The following AKAP6 variants were observed in gnomAD, a reference collection of about 807,000 sequenced individuals.
AKAP6 encodes the protein A-kinase anchoring protein 6, also known as A-kinase anchor protein 6.
AKAP6 carries 58 observed loss-of-function variants against 188.5 expected under a neutral mutation model. The ratio of observed to expected loss-of-function variants is 0.31; its 90% CI spans 0.25 to 0.38. The LOEUF is 0.38. Among genes scored for constraint, AKAP6 ranks in the 10% least tolerant of loss-of-function variants. The pLI is 1.00. For synonymous variants in AKAP6, 989 were observed against 998.6 expected (o/e 0.99, Z 0.18); for missense variants, 2,710 against 2,740.0 (o/e 0.99, Z 0.24).
intron 5 of AKAP6, among the ~76,000 whole-genome samples, chr14:32,597,926 A>G (rs1885771190): frequency 6.6e-6 from 1 of 152,142 alleles, no homozygotes; most frequent in South Asian, 2.1e-4. Flanking sequence ...TTCTCTGCTA[A>G]GAAAAGGAGA....
At chr14:32,376,788 C>G (rs1246279683) in intron 1 of AKAP6, among the ~76,000 whole-genome samples, 4 of 152,188 alleles carry the variant, frequency 2.6e-5, no homozygotes, top group Non-Finnish European at 5.9e-5. Context: ...CTTCCGCCTC[C>G]TGGATTCAAG....
intron 2 of AKAP6, among the ~76,000 whole-genome samples, chr14:32,514,091 A>C (rs1475732001): frequency 6.6e-6 from 1 of 152,166 alleles, no homozygotes; most frequent in East Asian, 1.9e-4. Context: ...TTGTTGGGTC[A>C]ATGGGAGGTA....
At position 32,600,611 on chromosome 14, in the gene AKAP6, C is replaced by A; in HGVS notation, c.2567-18C>A. The A allele has an allele frequency of 6.3e-7, 1 of 1,587,380 alleles. No individual in the cohort carries two copies. The highest frequency in any genetic ancestry group is 1.2e-5 in the South Asian group (1 of 86,490). On this transcript the variant is annotated intron_variant, in intron 6 of 13. Coordinates refer to ENST00000280979, the MANE Select transcript of AKAP6 (RefSeq NM_004274.5). The stretch of plus-strand genomic sequence containing the variant: ...CATTCAGGCCCACAACTTCTGCTTT[C>A]CCCTCCTTTTGGAGAAGGACTGAAG...
rs756277014 is a variant in AKAP6, at chr14:32,836,440, C to G, written c.*6635C>G. 1 of 152,058 alleles carries G rather than the reference C, an allele frequency of 6.6e-6. No individual in the cohort carries two copies. Among genetic ancestry groups the G allele is most frequent in the Non-Finnish European group, 1.5e-5 (1 of 68,020 alleles). The allele number at this position is 152,058 out of a possible 1,614,324, so 9.4% of individuals were successfully genotyped here. A position where few individuals can be genotyped will look rare whatever the true frequency, so the allele number is the denominator to read the frequency against. On this transcript the variant is annotated 3_prime_UTR_variant, in exon 14 of 14. Transcript: ENST00000280979. ...CTCCCAAAGGCTCCATCTCTTAATA[C>G]GATCACATTGGGGATTAGGTTTCAA... is the stretch of plus-strand genomic sequence containing the variant.
chr14:32,375,630 G>C (rs1888135096), intron 1 of AKAP6, among the ~76,000 whole-genome samples: 1 of 152,156 alleles, frequency 6.6e-6, no homozygotes, highest in Admixed American at 6.5e-5. Context: ...ACCCCAGATG[G>C]AAAGATAAAT....
chr14:32,724,560 G>C (rs963694300), intron 9 of AKAP6, among the ~76,000 whole-genome samples: 1 of 152,156 alleles, frequency 6.6e-6, no homozygotes, highest in African/African-American at 2.4e-5. Flanking sequence ...ATTGCATTGA[G>C]AAGATAATAG....
At chr14:32,487,936 C>G (rs1879792464) in intron 2 of AKAP6, among the ~76,000 whole-genome samples, 1 of 152,224 alleles carries the variant, frequency 6.6e-6, no homozygotes, top group Admixed American at 6.5e-5. Flanking sequence ...GGGGCACCCA[C>G]CAGATGCCAG....
chr14:32,406,659 A>T (rs1889306229), intron 1 of AKAP6, among the ~76,000 whole-genome samples: 1 of 152,204 alleles, frequency 6.6e-6, no homozygotes. Flanking sequence ...TTGTTTTACA[A>T]TTCTCCACAA....
intron 7 of AKAP6, among the ~76,000 whole-genome samples, chr14:32,638,074 A>G (rs943362395): frequency 4.8e-4 from 73 of 152,242 alleles, no homozygotes; most frequent in African/African-American, 1.7e-3. Flanking sequence ...GGAAAAGGCT[A>G]TAAGAACACA....
At chr14:32,622,073 G>T (rs192757699) in intron 7 of AKAP6, among the ~76,000 whole-genome samples, 4 of 152,132 alleles carry the variant, frequency 2.6e-5, no homozygotes, top group Admixed American at 2.0e-4. Context: ...GAATGTACCT[G>T]AAAATTTCAT....
chr14:32,764,793 G>A (rs1351988596), intron 11 of AKAP6, among the ~76,000 whole-genome samples: 1 of 151,860 alleles, frequency 6.6e-6, no homozygotes, highest in East Asian at 1.9e-4. Flanking sequence ...AAAATGTGTG[G>A]CACACATAAA....
chr14:32,389,751 G>C (rs1888648674), intron 1 of AKAP6, among the ~76,000 whole-genome samples: 1 of 152,078 alleles, frequency 6.6e-6, no homozygotes, highest in Non-Finnish European at 1.5e-5. Context: ...TAGGTTACCT[G>C]GTGCTTTTGT....
chr14:32,634,314 CAT>C (rs1383797111), intron 7 of AKAP6, among the ~76,000 whole-genome samples: 1 of 152,090 alleles, frequency 6.6e-6, no homozygotes, highest in East Asian at 1.9e-4. Flanking sequence ...GTACCTGTCT[CAT>C]AGTAAATGCT....
At chr14:32,811,268 G>T (rs1020993768) in intron 12 of AKAP6, among the ~76,000 whole-genome samples, 28 of 123,710 alleles carry the variant, frequency 2.3e-4, no homozygotes, top group Admixed American at 5.5e-4. Context: ...TTGAAAAACA[G>T]ACTAAGATAA....
At chr14:32,728,478 C>G (rs573998784) in intron 9 of AKAP6, among the ~76,000 whole-genome samples, 1 of 151,636 alleles carries the variant, frequency 6.6e-6, no homozygotes, top group South Asian at 2.1e-4. Context: ...ATATTTGTAC[C>G]AGGAAAGACA....
intron 5 of AKAP6, among the ~76,000 whole-genome samples, chr14:32,591,969 C>T (rs374093535): frequency 3.3e-5 from 5 of 152,230 alleles, no homozygotes; most frequent in East Asian, 3.9e-4. Flanking sequence ...ATGGCAATTA[C>T]GCTGGGATCA....
intron 9 of AKAP6, among the ~76,000 whole-genome samples, chr14:32,715,878 A>G (rs1190392445): frequency 2.6e-5 from 4 of 151,952 alleles, no homozygotes; most frequent in Non-Finnish European, 4.4e-5. Flanking sequence ...GAGAAAAGTT[A>G]TGCCAGAGAT....
chr14:32,757,337 A>G (rs1594916410), intron 11 of AKAP6, among the ~76,000 whole-genome samples: 1 of 152,158 alleles, frequency 6.6e-6, no homozygotes, highest in East Asian at 1.9e-4. Context: ...TCCTCCTAGG[A>G]GGCTAGGTTA....
intron 1 of AKAP6, among the ~76,000 whole-genome samples, chr14:32,395,910 T>A (rs1359127656): frequency 6.6e-6 from 1 of 152,214 alleles, no homozygotes; most frequent in Admixed American, 6.5e-5. Flanking sequence ...CCCACTGTTA[T>A]TTATCATTAG....
Sources: gnomAD v4.1 joint callset for allele counts (sites outside exome capture counted in the v4.1 genomes callset) on GRCh38, gnomAD v4.1.1 for gene constraint, MANE v1.5 for transcripts, NCBI Gene and HGNC (gene_info 2026-07-23, HGNC 2026-07-21) for gene names.